LDAH: variants seen among roughly 807,000 people sequenced by gnomAD.
The protein encoded by LDAH is lipid droplet-associated hydrolase.
In LDAH, 26 loss-of-function variants were observed where a neutral mutation model predicts 29.6. That is an observed-to-expected ratio of 0.88 (90% CI 0.64 to 1.22). LDAH has a LOEUF of 1.22. LDAH is among the 50% of genes most tolerant of loss of function. LDAH has a pLI of 0.00. For synonymous variants in LDAH, 117 were observed against 133.0 expected (o/e 0.88, Z 0.83); for missense variants, 344 against 387.3 (o/e 0.89, Z 0.94).
In LDAH at chr2:20,730,058, G is replaced by A. The variant is rs117823565; in HGVS notation, c.703+9913C>T. Among the ~76,000 whole-genome samples the A allele has an allele frequency of 7.9e-5, 12 of 152,208 alleles. No homozygotes were observed. The East Asian group carries it at 1.4e-3, about 17-fold the overall frequency. Reference sequence around the variant, plus strand: ...AAGAATGCTATATAAATGGAATCACGCAGTATGTAAACCTTAAGGGTTGCT... The same window carrying A: ...AAGAATGCTATATAAATGGAATCACACAGTATGTAAACCTTAAGGGTTGCT... On this transcript the variant is annotated intron_variant, in intron 5 of 6. Coordinates refer to ENST00000237822, the MANE Select transcript of LDAH (RefSeq NM_021925.4).
intron 4 of LDAH, among the ~76,000 whole-genome samples, chr2:20,751,114 C>T (rs539206925): frequency 6.6e-6 from 1 of 152,316 alleles, no homozygotes; most frequent in East Asian, 1.9e-4. Context: ...GTTTGACAAA[C>T]CTGCACATGT....
chr2:20,775,147 T>A (rs1558466781), intron 3 of LDAH, among the ~76,000 whole-genome samples, 168 bp from the exon 4 acceptor site: 2 of 152,162 alleles, frequency 1.3e-5, no homozygotes, highest in Non-Finnish European at 2.9e-5. Flanking sequence ...TTCACAACAA[T>A]TTTGGGAAGG....
chr2:20,686,583 A>AT lies in LDAH; in HGVS notation c.*319dup, dbSNP rs942382771. 131 of 200,504 alleles carry AT rather than the reference A, an allele frequency of 6.5e-4. No homozygotes were observed. The highest frequency in any genetic ancestry group is 1.7e-3 in the Admixed American group (29 of 17,028). The allele number at this position is 200,504 out of a possible 1,614,324, so 12.4% of individuals were successfully genotyped here. A position where few individuals can be genotyped will look rare whatever the true frequency, so the allele number is the denominator to read the frequency against. The stretch of plus-strand genomic sequence containing the variant: ...CTCAATTAAAATCAAGTACATGTAG[A>AT]TTTTTTTTTCATCTGCAAAGATCCT... On this transcript the variant is annotated 3_prime_UTR_variant, in exon 7 of 7. Transcript: ENST00000237822.
At chr2:20,716,277 C>A (rs1199639207) in intron 5 of LDAH, among the ~76,000 whole-genome samples, 1 of 152,048 alleles carries the variant, frequency 6.6e-6, no homozygotes, top group East Asian at 1.9e-4. Context: ...CACATGCACA[C>A]GTATATTTAT....
intron 4 of LDAH, among the ~76,000 whole-genome samples, chr2:20,755,028 T>C (rs1158874958): frequency 6.6e-6 from 1 of 152,132 alleles, no homozygotes; most frequent in Non-Finnish European, 1.5e-5. Flanking sequence ...GAGAATATTC[T>C]TATTCTTAAG....
intron 4 of LDAH, among the ~76,000 whole-genome samples, chr2:20,761,196 CAGA>C (rs1337450508): frequency 3.9e-5 from 6 of 152,036 alleles, no homozygotes; most frequent in African/African-American, 9.7e-5. Flanking sequence ...TCTGTATGAA[CAGA>C]AGAAGTCAGT....
At chr2:20,800,307 A>G (rs1296852344) in intron 2 of LDAH, among the ~76,000 whole-genome samples, 1 of 152,284 alleles carries the variant, frequency 6.6e-6, no homozygotes, top group African/African-American at 2.4e-5. Context: ...ATTGTAAATG[A>G]TGTCAAAAGA....
chr2:20,742,937 T>G (rs1375142079), intron 4 of LDAH, among the ~76,000 whole-genome samples: 1 of 151,850 alleles, frequency 6.6e-6, no homozygotes, highest in African/African-American at 2.4e-5. Context: ...TTTTTCAAAT[T>G]TTTTGTAGAG....
chr2:20,685,414 G>A lies in LDAH; in HGVS notation c.*1489C>T, dbSNP rs1662486949. ...ATCTGTGTACAGCCCTGTGCTTACG[G>A]CCTATGTATCTATTAGCTCTTCCCC... On this transcript the variant is annotated 3_prime_UTR_variant, in exon 7 of 7. Transcript: ENST00000237822. The A allele has an allele frequency of 8.7e-7, 1 of 1,153,292 alleles. No individual in the cohort carries two copies. Among genetic ancestry groups the A allele is most frequent in the Non-Finnish European group, 1.2e-6 (1 of 834,148 alleles). The allele number at this position is 1,153,292 out of a possible 1,614,324, so 71.4% of individuals were successfully genotyped here. A position where few individuals can be genotyped will look rare whatever the true frequency, so the allele number is the denominator to read the frequency against.
chr2:20,774,780 A>C (rs954664913), intron 4 of LDAH, 30 bp downstream of exon 4: 6 of 1,610,122 alleles, frequency 3.7e-6, no homozygotes, highest in Non-Finnish European at 5.1e-6. Flanking sequence ...ACAGTCCAGC[A>C]CCCACAGTTA....
intron 5 of LDAH, among the ~76,000 whole-genome samples, chr2:20,728,591 G>C (rs1056064553): frequency 1.3e-5 from 2 of 152,152 alleles, no homozygotes; most frequent in African/African-American, 4.8e-5. Flanking sequence ...AATCACCATA[G>C]TGATGGTAAG....
intron 2 of LDAH, among the ~76,000 whole-genome samples, chr2:20,800,905 T>C (rs1671612681): frequency 6.6e-6 from 1 of 152,230 alleles, no homozygotes; most frequent in Non-Finnish European, 1.5e-5. Flanking sequence ...GTGCTGGGAT[T>C]ATAGGCGTGA....
intron 5 of LDAH, among the ~76,000 whole-genome samples, chr2:20,714,757 T>C (rs1371983328): frequency 6.6e-6 from 1 of 152,194 alleles, no homozygotes; most frequent in Non-Finnish European, 1.5e-5. Context: ...TAAACACTTC[T>C]ACGCAAATAA....
chr2:20,722,247 G>A (rs1432945427), intron 5 of LDAH, among the ~76,000 whole-genome samples: 1 of 151,956 alleles, frequency 6.6e-6, no homozygotes, highest in Non-Finnish European at 1.5e-5. Flanking sequence ...GGTGGTGTGC[G>A]CCTGCAATCC....
chr2:20,822,410 T>C (rs1673388385), intron 1 of LDAH, among the ~76,000 whole-genome samples: 1 of 152,204 alleles, frequency 6.6e-6, no homozygotes, highest in Non-Finnish European at 1.5e-5. Flanking sequence ...CCCAAAGTGC[T>C]GGGATTACAG....
At chr2:20,760,206 A>C (rs1046632164) in intron 4 of LDAH, among the ~76,000 whole-genome samples, 1 of 152,204 alleles carries the variant, frequency 6.6e-6, no homozygotes, top group Non-Finnish European at 1.5e-5. Context: ...AAGATAGTGT[A>C]AAAGCAGGGA....
intron 1 of LDAH, among the ~76,000 whole-genome samples, chr2:20,820,152 A>G (rs1198227596): frequency 3.9e-5 from 6 of 152,044 alleles, no homozygotes; most frequent in African/African-American, 4.8e-5. Flanking sequence ...ATGCTCATGG[A>G]TAGGAAGAAT....
At chr2:20,734,255 C>T (rs1309984104) in intron 5 of LDAH, among the ~76,000 whole-genome samples, 1 of 152,016 alleles carries the variant, frequency 6.6e-6, no homozygotes, top group Admixed American at 6.6e-5. Context: ...TCTAATCTAC[C>T]CTGCCAATTT....
At chr2:20,710,585 G>A (rs894939080) in intron 5 of LDAH, among the ~76,000 whole-genome samples, 1 of 115,952 alleles carries the variant, frequency 8.6e-6, no homozygotes, top group African/African-American at 3.0e-5. Context: ...TATATATAGG[G>A]GTGTGTGTGT....
Sources: allele counts gnomAD v4.1 joint callset (sites outside exome capture counted in the v4.1 genomes callset), GRCh38; gene constraint gnomAD v4.1.1; transcripts MANE v1.5; gene names NCBI Gene and HGNC (gene_info 2026-07-23, HGNC 2026-07-21).